SUN2: variants seen among roughly 807,000 people sequenced by gnomAD.
The protein encoded by SUN2 is Sad1 and UNC84 domain containing 2, also known as SUN domain-containing protein 2.
SUN2 carries 60 observed loss-of-function variants against 100.0 expected under a neutral mutation model. The ratio of observed to expected loss-of-function variants is 0.60; its 90% CI spans 0.49 to 0.74. SUN2 has a LOEUF of 0.74. Ranked by LOEUF, SUN2 falls within the 30% of genes least tolerant of loss-of-function variation. The pLI is 0.00. For synonymous variants in SUN2, 367 were observed against 403.3 expected (o/e 0.91, Z 1.08); for missense variants, 834 against 954.6 (o/e 0.87, Z 1.66).
chr22:38,751,398 G>A (rs376337652), intron 2 of SUN2, 25 bp from the exon 3 acceptor site: 16 of 1,611,486 alleles, frequency 9.9e-6, no homozygotes, highest in Non-Finnish European at 1.3e-5. Context: ...TGAGGGCAGA[G>A]GTAGGGAGCA....
Position 38,739,164 on chromosome 22 carries a change from C to G in SUN2, c.1664-176G>C. 2 of 895,746 alleles carry G rather than the reference C, an allele frequency of 2.2e-6. No homozygotes were observed. Among genetic ancestry groups the G allele is most frequent in the Non-Finnish European group, 3.5e-6 (2 of 565,464 alleles). 55.5% of individuals were successfully genotyped at this position (895,746 alleles called of 1,614,324 possible). On this transcript the variant is annotated intron_variant, in intron 14 of 17. Coordinates refer to ENST00000689035, the MANE Select transcript of SUN2 (RefSeq NM_015374.3). This position sits in a 1 kb window ranked among gnomAD's most constrained non-coding sequence, Gnocchi z 6.7. The stretch of plus-strand genomic sequence containing the variant: ...AGCCTCTCCCTGGCCCAGGATGGTA[C>G]TCGGTACGTCCTGACTTCCCTGAAT...
intron 1 of SUN2, among the ~76,000 whole-genome samples, chr22:38,753,423 C>T (rs2092962982): frequency 6.6e-6 from 1 of 152,008 alleles, no homozygotes; most frequent in South Asian, 2.1e-4. Flanking sequence ...GCCATGTTGG[C>T]CAGGCTGGTC....
At chr22:38,744,334 T>C (rs983210509) in intron 8 of SUN2, among the ~76,000 whole-genome samples, 12 of 151,844 alleles carry the variant, frequency 7.9e-5, no homozygotes, top group African/African-American at 2.7e-4. Flanking sequence ...TCCCAGCCCT[T>C]TGGAAGGCTG....
Position 38,739,944 on chromosome 22 carries a change from C to T in SUN2, c.1357-1G>A, listed in dbSNP as rs771616561. The T allele has an allele frequency of 5.0e-5, 80 of 1,609,366 alleles. No individual in the cohort carries two copies. The highest frequency in any genetic ancestry group is 1.7e-6 in the Non-Finnish European group (2 of 1,179,682). On this transcript the variant is annotated splice_acceptor_variant, in intron 12 of 17. Transcript: ENST00000689035. LOFTEE classifies it high-confidence loss of function. This position sits in a 1 kb window ranked among gnomAD's most constrained non-coding sequence, Gnocchi z 6.7. Reference sequence around the variant, plus strand: ...TCCAGGCCGGGAACTGAGATTCCACCTATAGGAACCCAAAGGGGTGTCACC... The same window carrying T: ...TCCAGGCCGGGAACTGAGATTCCACTTATAGGAACCCAAAGGGGTGTCACC...
chr22:38,754,140 A>T (rs1032096068), intron 1 of SUN2, among the ~76,000 whole-genome samples: 1 of 152,236 alleles, frequency 6.6e-6, no homozygotes, highest in Non-Finnish European at 1.5e-5. Flanking sequence ...GGCAAGAGGT[A>T]GCATTCTGTG....
chr22:38,746,660 G>A (rs374253036), intron 7 of SUN2, among the ~76,000 whole-genome samples: 47 of 152,320 alleles, frequency 3.1e-4, no homozygotes, highest in African/African-American at 1.0e-3. Context: ...ACCCCACAAG[G>A]CCATGGTGAA....
In SUN2 at chr22:38,748,729, C is replaced by G. The variant is rs755903775; in HGVS notation, c.669G>C (p.Leu223=). Residue 223 remains leucine (L), a synonymous_variant, in exon 7 of 18, where the codon CTG becomes CTC. Transcript: ENST00000689035. The part of the protein sequence containing the change: ...FLWFLLPLLL[L]TCLTYGAWYF... ...CAGGCTCACCATACGTCAGGCACGT[C>G]AGCAAGAGCAGCGGCAGCAGGAACC... 6.2e-7 allele frequency: 1 copy of G among 1,614,246 alleles called. No individual in the cohort carries two copies. The highest frequency in any genetic ancestry group is 8.5e-7 in the Non-Finnish European group (1 of 1,180,042).
At position 38,739,901 on chromosome 22, in the gene SUN2, G is replaced by A. The variant is rs766680217; in HGVS notation, c.1399C>T (p.Arg467Ter). The A allele has an allele frequency of 1.9e-6, 3 of 1,612,732 alleles. No homozygotes were observed. The highest frequency in any genetic ancestry group is 2.2e-5 in the East Asian group (1 of 44,882). The change falls in exon 13 of 18, where the codon CGA becomes TGA. Residue 467 changes from arginine (R) to a stop codon, truncating the protein, a stop_gained. Transcript: ENST00000689035. LOFTEE classifies it high-confidence loss of function. This position sits in a 1 kb window ranked among gnomAD's most constrained non-coding sequence, Gnocchi z 6.7. ...AGCCCCACGCGGCCCCCTCCACCTC[G>A]GGCAAGGAACTGACTGATCCAGGCC... ...FPAWISQFLA[R>*]GGGGRVGLLQ...
chr22:38,750,086 C>T, intron 5 of SUN2, 139 bp downstream of exon 5: 1 of 1,361,332 alleles, frequency 7.3e-7, no homozygotes, highest in South Asian at 1.4e-5. Context: ...GCTCTGGGCT[C>T]CCAGTGATTA....
rs2092815361 is a variant in SUN2 at position 38,737,390 on chromosome 22, A to G, written c.2040+783T>C. Among the ~76,000 whole-genome samples the G allele has an allele frequency of 6.6e-6, 1 of 151,094 alleles. No homozygotes were observed. Among genetic ancestry groups the G allele is most frequent in the Non-Finnish European group, 1.5e-5 (1 of 67,744 alleles). On this transcript the variant is annotated intron_variant, in intron 17 of 17. Coordinates refer to ENST00000689035, the MANE Select transcript of SUN2 (RefSeq NM_015374.3). The surrounding 1 kb of genome is among the most constrained non-coding windows in gnomAD (Gnocchi z 4.1). ...TGCTACGTCTTTGTCCTCACTCCCAACGCCCCTCTCCCCCACCTATCCTGT... is the reference window on the plus strand; with the variant it reads ...TGCTACGTCTTTGTCCTCACTCCCAGCGCCCCTCTCCCCCACCTATCCTGT...
intron 1 of SUN2, among the ~76,000 whole-genome samples, chr22:38,753,885 G>T (rs2092966585): frequency 6.6e-6 from 1 of 152,204 alleles, no homozygotes. Context: ...AAGTTTTCCA[G>T]TTGTTTCAGG....
chr22:38,739,869 C>G lies in SUN2; in HGVS notation c.1431G>C (p.Gln477His). ...RGGGGRVGLL[Q>H]REEMQAQLRE... ...GCAGCTGAGCTTGCATCTCCTCTCT[C>G]TGAAGGAGCCCCACGCGGCCCCCTC... The change falls in exon 13 of 18, where the codon CAG becomes CAC. Residue 477 changes from glutamine to histidine, a missense_variant. By Grantham distance (24) the Gln-to-His change is conservative. Coordinates refer to ENST00000689035, the MANE Select transcript of SUN2 (RefSeq NM_015374.3). This position sits in a 1 kb window ranked among gnomAD's most constrained non-coding sequence, Gnocchi z 6.7. 4 of 1,613,512 alleles carry G rather than the reference C, an allele frequency of 2.5e-6. No homozygotes were observed. Among genetic ancestry groups the G allele is most frequent in the African/African-American group, 1.3e-5 (1 of 75,072 alleles).
chr22:38,744,261 CAAAAAAAAAAAAAA>C (rs35027225), intron 8 of SUN2, among the ~76,000 whole-genome samples: 1 of 60,706 alleles, frequency 1.6e-5, no homozygotes, highest in Non-Finnish European at 3.2e-5. Flanking sequence ...GACTCTGTCT[CAAAAAAAAAAAAAA>C]AAAAAAAAAA....
At position 38,755,828 on chromosome 22, in the gene SUN2, C is replaced by T. The variant is rs2092981385; in HGVS notation, c.-103G>A. ...AGGCCAGGCCGCCGCCGGGGCGCGC[C>T]CCCTTTCCGCGTGGGGATCCCGCGG... On this transcript the variant is annotated 5_prime_UTR_variant, in exon 1 of 18. Transcript: ENST00000689035. The surrounding 1 kb of genome is among the most constrained non-coding windows in gnomAD (Gnocchi z 5.7). 2.0e-6 allele frequency: 2 copies of T among 983,464 alleles called. No homozygotes were observed. Among genetic ancestry groups the T allele is most frequent in the African/African-American group, 3.5e-5 (2 of 57,124 alleles). The allele number at this position is 983,464 out of a possible 1,614,324, so 60.9% of individuals were successfully genotyped here. A position where few individuals can be genotyped will look rare whatever the true frequency, so the allele number is the denominator to read the frequency against.
intron 8 of SUN2, 129 bp from the exon 9 acceptor site, chr22:38,742,684 T>G (rs745826949): frequency 1.4e-5 from 18 of 1,257,758 alleles, no homozygotes; most frequent in Non-Finnish European, 1.7e-5. Context: ...CATAAGGCCA[T>G]GCAGGGCCGG....
At position 38,745,714 on chromosome 22, in the gene SUN2, C is replaced by G. The variant is rs2092898845; in HGVS notation, c.783G>C (p.Trp261Cys). 6.2e-7 allele frequency: 1 copy of G among 1,613,862 alleles called. No homozygotes were observed. The highest frequency in any genetic ancestry group is 1.3e-5 in the African/African-American group (1 of 74,930). The part of the protein sequence containing the change: ...AKDSRRPDEG[W>C]EARDSSPHFQ... ...AATGTGGCGATGAGTCTCTGGCTTC[C>G]CAGCCCTCATCCGGCCTCCTGCTGT... Residue 261 changes from tryptophan (W) to cysteine (C), a missense_variant, in exon 8 of 18, where the codon TGG becomes TGC. Around this residue, in one of 3 missense-constraint regions of SUN2, gnomAD observed 559 missense variants for 597.7 expected, o/e 0.94. Transcript: ENST00000689035.
chr22:38,744,261 CAAA>C (rs35027225), intron 8 of SUN2, among the ~76,000 whole-genome samples: 3 of 60,718 alleles, frequency 4.9e-5, no homozygotes, highest in African/African-American at 1.3e-4. Context: ...GACTCTGTCT[CAAA>C]AAAAAAAAAA....
Position 38,751,018 on chromosome 22 carries a change from G to T in SUN2, c.304C>A (p.Arg102=). The change falls in exon 4 of 18, where the codon CGG becomes AGG. Residue 102 remains arginine, a synonymous_variant. Transcript: ENST00000689035. The part of the protein sequence containing the change: ...DANWGEDLRV[R]RRRGTGGSES... ...GAGCCACCCGTGCCTCTCCTCCTCCGCACCCGCAGGTCCTCACCTGTGCAG... is the reference window on the plus strand; with the variant it reads ...GAGCCACCCGTGCCTCTCCTCCTCCTCACCCGCAGGTCCTCACCTGTGCAG... The T allele has an allele frequency of 6.2e-7, 1 of 1,613,082 alleles. No individual in the cohort carries two copies. Among genetic ancestry groups the T allele is most frequent in the East Asian group, 2.2e-5 (1 of 44,850 alleles).
intron 9 of SUN2, among the ~76,000 whole-genome samples, 145 bp downstream of exon 9, chr22:38,742,148 GAAAAAAAA>G (rs369861899): frequency 7.8e-6 from 1 of 127,742 alleles, no homozygotes; most frequent in Non-Finnish European, 1.7e-5. Context: ...GTCTCAAAAA[GAAAAAAAA>G]AAAAGAAAAA....
Sources: allele counts gnomAD v4.1 joint callset (sites outside exome capture counted in the v4.1 genomes callset), GRCh38; gene constraint gnomAD v4.1.1; regional missense constraint gnomAD v4.1.1; non-coding constraint Gnocchi (gnomAD v3.1); transcripts MANE v1.5; gene names NCBI Gene and HGNC (gene_info 2026-07-23, HGNC 2026-07-21).